The following SARAF variants were observed in gnomAD, a reference collection of about 807,000 sequenced individuals.
The protein encoded by SARAF is store-operated calcium entry associated regulatory factor.
A neutral mutation model predicts 39.7 loss-of-function variants in SARAF; 23 were observed. That is an observed-to-expected ratio of 0.58 (90% CI 0.42 to 0.82). The LOEUF (loss-of-function observed/expected upper bound fraction) is 0.82, where lower values mean the gene tolerates loss of function less well. SARAF is among the 40% of genes least tolerant of loss of function. SARAF has a pLI of 0.00. For missense variants in SARAF, 384 were observed against 418.5 expected (o/e 0.92, Z 0.72); for synonymous variants, 175 against 168.5 (o/e 1.04, Z -0.30).
chr8:30,083,054 G>A lies in SARAF; in HGVS notation c.-105C>T. 1 of 815,436 alleles carries A rather than the reference G, an allele frequency of 1.2e-6. No individual in the cohort carries two copies. Among genetic ancestry groups the A allele is most frequent in the Non-Finnish European group, 1.8e-6 (1 of 541,012 alleles). 50.5% of individuals were successfully genotyped at this position (815,436 alleles called of 1,614,324 possible). A position where few individuals can be genotyped will look rare whatever the true frequency, so the allele number is the denominator to read the frequency against. On this transcript the variant is annotated 5_prime_UTR_variant, in exon 1 of 6. Transcript: ENST00000256255. ...AGCTACACCGCTACCCCTGGCGGCG[G>A]CGAAGGAACGGCCCGACTGCAGAGC...
At chr8:30,065,403 A>G (rs1801661356) in intron 5 of SARAF, among the ~76,000 whole-genome samples, 1 of 152,162 alleles carries the variant, frequency 6.6e-6, no homozygotes, top group Non-Finnish European at 1.5e-5. Context: ...ATTTAAATAT[A>G]TTTTTCTATC....
intron 3 of SARAF, among the ~76,000 whole-genome samples, chr8:30,069,019 A>G (rs1304749235): frequency 6.6e-6 from 1 of 152,134 alleles, no homozygotes; most frequent in Non-Finnish European, 1.5e-5. Context: ...GTTGAGATTT[A>G]TAATACTTAA....
At chr8:30,074,102 G>A (rs746161049) in intron 1 of SARAF, 47 bp from the exon 2 acceptor site, 1 of 1,579,466 alleles carries the variant, frequency 6.3e-7, no homozygotes, top group Admixed American at 1.7e-5. Context: ...TATCGTGTCA[G>A]AGAAAGAAAG....
intron 1 of SARAF, among the ~76,000 whole-genome samples, chr8:30,076,365 T>C (rs1487210714): frequency 6.6e-6 from 1 of 152,180 alleles, no homozygotes; most frequent in Non-Finnish European, 1.5e-5. Flanking sequence ...GGATGACTAT[T>C]CCCTTGGTAA....
rs1491510056 is a variant in SARAF at position 30,069,133 on chromosome 8, C to CT, written c.700+508_700+509insA. ...TAAGAGTATTTATAATTTAATCAGG[C>CT]ATTTTTTTTTTTTTTTTTTTTTTGG... On this transcript the variant is annotated intron_variant, in intron 3 of 5. Transcript: ENST00000256255. Among the ~76,000 whole-genome samples the CT allele has an allele frequency of 2.4e-3, 227 of 94,450 alleles. 1 individual carries two copies. The highest frequency in any genetic ancestry group is 3.5e-3 in the Non-Finnish European group (174 of 50,276). 62.0% of individuals were successfully genotyped at this position (94,450 alleles called of 152,430 possible).
At chr8:30,066,722 A>C (rs1801700528) in intron 4 of SARAF, 55 bp downstream of exon 4, 3 of 1,573,708 alleles carry the variant, frequency 1.9e-6, no homozygotes, top group Non-Finnish European at 2.6e-6. Flanking sequence ...TTAAATTGTA[A>C]GCAAAACAAG....
rs1384926854 is a variant in SARAF, at chr8:30,065,978, T to A, written c.994+10A>T. 3 of 1,547,522 alleles carry A rather than the reference T, an allele frequency of 1.9e-6. No individual in the cohort carries two copies. Among genetic ancestry groups the A allele is most frequent in the South Asian group, 1.1e-5 (1 of 88,220 alleles). ...CCTAGGTAAAAGGAACTTGTATTTT[T>A]TGCTCTTACCTGATGCAGTTCTGGT... On this transcript the variant is annotated intron_variant, in intron 5 of 5. Transcript: ENST00000256255.
intron 3 of SARAF, among the ~76,000 whole-genome samples, chr8:30,067,732 C>T (rs1040397806): frequency 2.0e-5 from 3 of 152,148 alleles, no homozygotes; most frequent in Admixed American, 1.3e-4. Context: ...ATGTGTCTTC[C>T]ACCGTGTGAA....
intron 3 of SARAF, 110 bp downstream of exon 3, chr8:30,069,515 AAAAAACAAAATGAGAAG>A: frequency 9.8e-7 from 1 of 1,021,396 alleles, no homozygotes; most frequent in Non-Finnish European, 1.5e-6. Flanking sequence ...AGTTGAAAGT[AAAAAACAAAATGAGAAG>A]ACAAACCTCC....
intron 3 of SARAF, among the ~76,000 whole-genome samples, chr8:30,068,806 A>C: frequency 6.6e-6 from 1 of 152,158 alleles, no homozygotes; most frequent in Non-Finnish European, 1.5e-5. Flanking sequence ...AATTTTTCCC[A>C]GTCTGTAGCT....
chr8:30,081,928 T>G (rs1802108564), intron 1 of SARAF, among the ~76,000 whole-genome samples: 2 of 151,038 alleles, frequency 1.3e-5, no homozygotes, highest in Admixed American at 1.3e-4. Context: ...CCACTTATCA[T>G]GTACCATCAC....
chr8:30,083,149 G>T (rs1802153285), upstream of SARAF: 1 of 484,458 alleles, frequency 2.1e-6, no homozygotes, highest in Non-Finnish European at 3.6e-6. Context: ...TCAGTGAGTG[G>T]CCGCCGTGGG....
At chr8:30,073,113 A>G (rs895779557) in intron 2 of SARAF, among the ~76,000 whole-genome samples, 1 of 152,208 alleles carries the variant, frequency 6.6e-6, no homozygotes, top group Non-Finnish European at 1.5e-5. Flanking sequence ...CCCAGTACAC[A>G]TCAACTTCCT....
intron 1 of SARAF, among the ~76,000 whole-genome samples, chr8:30,074,296 A>G (rs1801909625): frequency 6.6e-6 from 1 of 152,250 alleles, no homozygotes; most frequent in Admixed American, 6.5e-5. Flanking sequence ...CACAAGTTGT[A>G]CATCATTTTT....
chr8:30,065,807 TC>T, intron 5 of SARAF, 180 bp downstream of exon 5: 3 of 702,698 alleles, frequency 4.3e-6, no homozygotes, highest in Non-Finnish European at 7.1e-6. Flanking sequence ...CTAAATCAAA[TC>T]CCTGTTTGAT....
rs772985645 is a variant in SARAF, at chr8:30,074,018, G to A, written c.141C>T (p.Leu47=). The A allele has an allele frequency of 6.2e-7, 1 of 1,613,978 alleles. No homozygotes were observed. Among genetic ancestry groups the A allele is most frequent in the South Asian group, 1.1e-5 (1 of 91,064 alleles). Residue 47 remains leucine, a synonymous_variant, in exon 2 of 6, where the codon CTC becomes CTT. Transcript: ENST00000256255. ...MLLRDVKALT[L]HYDRYTTSRR... ...GGGAGGTGGTATAGCGGTCATAGTGGAGGGTAAGAGCTTTTACATCCCGCA... is the reference window on the plus strand; with the variant it reads ...GGGAGGTGGTATAGCGGTCATAGTGAAGGGTAAGAGCTTTTACATCCCGCA...
chr8:30,069,381 C>T (rs1230331609), intron 3 of SARAF, among the ~76,000 whole-genome samples: 1 of 152,114 alleles, frequency 6.6e-6, no homozygotes, highest in East Asian at 1.9e-4. Flanking sequence ...CTCAAGTGAT[C>T]TGCCCACCCC....
intron 1 of SARAF, among the ~76,000 whole-genome samples, chr8:30,075,074 G>A (rs180960586): frequency 3.3e-4 from 51 of 152,246 alleles, no homozygotes; most frequent in South Asian, 2.1e-3. Flanking sequence ...GCCGAGGCAC[G>A]TGGATCACCT....
Position 30,077,684 on chromosome 8 carries a change from C to T in SARAF, c.104-3629G>A, listed in dbSNP as rs572207008. On this transcript the variant is annotated intron_variant, in intron 1 of 5. Transcript: ENST00000256255. Reference sequence around the variant, plus strand: ...GGGGATGGTGGCGCGTGCCTGTAGTCCCAGCTACTCGGGGGGCTGAGGCAG... The same window carrying T: ...GGGGATGGTGGCGCGTGCCTGTAGTTCCAGCTACTCGGGGGGCTGAGGCAG... Among the ~76,000 whole-genome samples, 3 of 151,744 alleles carry T rather than the reference C, an allele frequency of 2.0e-5. No homozygotes were observed. In the South Asian group the frequency reaches 6.2e-4, roughly 32 times the overall value.
Sources: allele counts gnomAD v4.1 joint callset (sites outside exome capture counted in the v4.1 genomes callset), GRCh38; gene constraint gnomAD v4.1.1; transcripts MANE v1.5; gene names NCBI Gene and HGNC (gene_info 2026-07-23, HGNC 2026-07-21).